The following RGS6 variants were observed in gnomAD, a reference collection of about 807,000 sequenced individuals.
RGS6 encodes regulator of G protein signaling 6, also known as regulator of G-protein signaling 6.
A neutral mutation model predicts 78.5 loss-of-function variants in RGS6; 30 were observed. That is an observed-to-expected ratio of 0.38 (90% CI 0.29 to 0.52). The LOEUF (loss-of-function observed/expected upper bound fraction) is 0.52, where lower values mean the gene tolerates loss of function less well. RGS6 is among the 20% of genes least tolerant of loss of function. The probability of loss-of-function intolerance (pLI) is 0.85; values close to 1 mark genes in which losing one functional copy is unlikely to be tolerated. For synonymous variants in RGS6, 206 were observed against 206.0 expected (o/e 1.00, Z 0.00); for missense variants, 495 against 609.7 (o/e 0.81, Z 1.98).
chr14:72,485,539 C>A (rs17116363), intron 12 of RGS6, among the ~76,000 whole-genome samples: 21,943 of 152,196 alleles, frequency 0.14, 1,716 homozygotes, highest in South Asian at 0.23. Flanking sequence ...CCAGGAAGCA[C>A]ATGTTCTGAA....
rs749263910 is a variant in RGS6, at chr14:72,245,500, C to T, written c.85-106595C>T. Among the ~76,000 whole-genome samples, 7 of 152,342 alleles carry T rather than the reference C, an allele frequency of 4.6e-5. 1 individual carries two copies. Among genetic ancestry groups the T allele is most frequent in the Admixed American group, 2.0e-4 (3 of 15,298 alleles). On this transcript the variant is annotated intron_variant, in intron 2 of 17. Coordinates refer to ENST00000553525, the MANE Select transcript of RGS6 (RefSeq NM_001204424.2). ...GGCCAAATTAATTGCAGCAGGATCA[C>T]GCCCTTAAGACACAGATTGCTCATG...
intron 3 of RGS6, among the ~76,000 whole-genome samples, chr14:72,408,592 G>A (rs781699526): frequency 3.5e-4 from 53 of 152,234 alleles, no homozygotes; most frequent in Non-Finnish European, 6.6e-4. Context: ...AAACTCCTTT[G>A]CCATGAGCGT....
chr14:72,621,341 A>G, the RGS6 span, among the ~76,000 whole-genome samples: 1 of 151,574 alleles, frequency 6.6e-6, no homozygotes, highest in South Asian at 2.1e-4. Context: ...ATCTGGCCCC[A>G]CCCCCTAGTT....
At chr14:71,897,990 C>T in the RGS6 span, among the ~76,000 whole-genome samples, 2 of 151,596 alleles carry the variant, frequency 1.3e-5, no homozygotes, top group East Asian at 1.9e-4. Flanking sequence ...ACTGGACAAG[C>T]CTGTTTTTCT....
intron 2 of RGS6, among the ~76,000 whole-genome samples, chr14:72,004,197 T>A (rs986009058): frequency 2.0e-5 from 3 of 152,114 alleles, no homozygotes; most frequent in Admixed American, 1.3e-4. Context: ...GACTTTGGAT[T>A]GAAAAAAAGT....
intron 2 of RGS6, among the ~76,000 whole-genome samples, chr14:71,981,357 G>A (rs545822330): frequency 6.6e-5 from 10 of 152,112 alleles, no homozygotes; most frequent in African/African-American, 4.8e-5. Context: ...AGAGTTTCCC[G>A]TTTTTCTATT....
chr14:72,405,274 T>G (rs564137119), intron 3 of RGS6, among the ~76,000 whole-genome samples: 1 of 152,168 alleles, frequency 6.6e-6, no homozygotes, highest in African/African-American at 2.4e-5. Flanking sequence ...GAGGGTAGCA[T>G]GGAAAAGAGA....
chr14:72,509,558 T>G (rs2096853486), intron 13 of RGS6, among the ~76,000 whole-genome samples: 1 of 152,212 alleles, frequency 6.6e-6, no homozygotes, highest in African/African-American at 2.4e-5. Context: ...GGTTAACAGA[T>G]GTAAAATGCT....
intron 2 of RGS6, among the ~76,000 whole-genome samples, chr14:72,323,732 G>A (rs2072799297): frequency 1.4e-5 from 2 of 140,636 alleles, no homozygotes; most frequent in South Asian, 4.6e-4. Context: ...AACCTGGGAG[G>A]CGGAGGTTGC....
At chr14:72,369,879 A>T (rs1166352411) in intron 3 of RGS6, among the ~76,000 whole-genome samples, 1 of 152,212 alleles carries the variant, frequency 6.6e-6, no homozygotes, top group Non-Finnish European at 1.5e-5. Flanking sequence ...GCCAAAATTT[A>T]TACATACATA....
chr14:72,397,816 T>C (rs1450423569), intron 3 of RGS6, among the ~76,000 whole-genome samples: 1 of 152,164 alleles, frequency 6.6e-6, no homozygotes, highest in African/African-American at 2.4e-5. Flanking sequence ...AATCATGTGG[T>C]TTTTGTCTTT....
At chr14:72,394,777 G>A (rs567121591) in intron 3 of RGS6, among the ~76,000 whole-genome samples, 27 of 152,256 alleles carry the variant, frequency 1.8e-4, no homozygotes, top group Admixed American at 1.4e-3. Flanking sequence ...CTCAGCTTAC[G>A]AAGATGACAG....
At chr14:72,361,776 A>T (rs560873963) in intron 3 of RGS6, among the ~76,000 whole-genome samples, 4 of 152,286 alleles carry the variant, frequency 2.6e-5, no homozygotes, top group Non-Finnish European at 4.4e-5. Context: ...GACTTTCACA[A>T]TAAGAGGTAC....
At chr14:72,447,852 C>T (rs1217567067) in intron 3 of RGS6, among the ~76,000 whole-genome samples, 3 of 152,096 alleles carry the variant, frequency 2.0e-5, no homozygotes, top group Non-Finnish European at 4.4e-5. Context: ...TACAAGTGCC[C>T]GCCACCACAC....
chr14:71,882,825 C>G, the RGS6 span, among the ~76,000 whole-genome samples: 1 of 152,206 alleles, frequency 6.6e-6, no homozygotes, highest in African/African-American at 2.4e-5. Context: ...ATATCTTGCT[C>G]TGCTTTCCAA....
chr14:72,259,075 C>T (rs1243280114), intron 2 of RGS6, among the ~76,000 whole-genome samples: 5 of 152,112 alleles, frequency 3.3e-5, no homozygotes, highest in Admixed American at 2.6e-4. Context: ...CAAAAGAGGA[C>T]ATTGCATGGT....
intron 2 of RGS6, among the ~76,000 whole-genome samples, chr14:72,039,813 A>ATTTTTTTTTTTTTTTT (rs3053082): frequency 1.5e-5 from 1 of 68,922 alleles, no homozygotes; most frequent in Non-Finnish European, 2.7e-5. Context: ...TGTTTCATTG[A>ATTTTTTTTTTTTTTTT]TTTTTTTTTT....
chr14:72,346,220 C>T (rs555195200), intron 2 of RGS6, among the ~76,000 whole-genome samples: 1 of 152,238 alleles, frequency 6.6e-6, no homozygotes, highest in Admixed American at 6.5e-5. Context: ...GTTTGCTATA[C>T]TTTAAGTTTT....
rs1454854616 is a variant in RGS6, at chr14:72,353,958, T to C, written c.184+1764T>C. ...GAGATCGTGCCACTGCACTCCAGCC[T>C]GGGTAACAGAGCGAGACTCTGTCTC... On this transcript the variant is annotated intron_variant, in intron 3 of 17. Coordinates refer to ENST00000553525, the MANE Select transcript of RGS6 (RefSeq NM_001204424.2). Among the ~76,000 whole-genome samples the C allele has an allele frequency of 2.0e-5, 3 of 150,572 alleles. No individual in the cohort carries two copies. In the East Asian group the frequency reaches 5.8e-4, roughly 29 times the overall value.
Sources: gnomAD v4.1 joint callset for allele counts (sites outside exome capture counted in the v4.1 genomes callset) on GRCh38, gnomAD v4.1.1 for gene constraint, MANE v1.5 for transcripts, NCBI Gene and HGNC (gene_info 2026-07-23, HGNC 2026-07-21) for gene names.